The following PLEKHG3 variants were observed in gnomAD, a reference collection of about 807,000 sequenced individuals.
The protein encoded by PLEKHG3 is pleckstrin homology and RhoGEF domain containing G3.
In PLEKHG3, 62 loss-of-function variants were observed where a neutral mutation model predicts 94.9. The observed-to-expected ratio is 0.65, with a 90% CI of 0.53 to 0.81. The LOEUF is 0.81. PLEKHG3 is among the 30% of genes least tolerant of loss of function. PLEKHG3 has a pLI of 0.00. For missense variants in PLEKHG3, 1,461 were observed against 1,619.3 expected, an observed-to-expected ratio of 0.90 and a Z score of 1.68; for synonymous variants, 614 against 654.0, an observed-to-expected ratio of 0.94 and a Z score of 0.93.
At chr14:64,729,621 T>C (rs746514571) in intron 3 of PLEKHG3, among the ~76,000 whole-genome samples, 1 of 152,102 alleles carries the variant, frequency 6.6e-6, no homozygotes, top group Non-Finnish European at 1.5e-5. Flanking sequence ...GAAAGTGCAC[T>C]GCTCTGGAGG....
rs766667393 is a variant in PLEKHG3 at position 64,741,000 on chromosome 14, T to G, written c.1519-36T>G. 3.3e-6 allele frequency: 5 copies of G among 1,509,622 alleles called. No homozygotes were observed. In the African/African-American group the frequency reaches 7.0e-5, roughly 21 times the overall value. 93.5% of individuals were successfully genotyped at this position (1,509,622 alleles called of 1,614,324 possible). On this transcript the variant is annotated intron_variant, in intron 15 of 16. Coordinates refer to ENST00000247226, the MANE Select transcript of PLEKHG3 (RefSeq NM_001308147.2). ...GTTCCCCGGATCCCATGAAGGAGGC[T>G]TTTTACTCATGTGAGCCTTTTCTGC...
Position 64,730,279 on chromosome 14 carries a change from C to A in PLEKHG3, c.486C>A (p.Asp162Glu), listed in dbSNP as rs1460036827. Residue 162 changes from aspartate (D) to glutamate (E), a missense_variant, in exon 4 of 17, where the codon GAC (aspartate) becomes GAA (glutamate). Asp to Glu is a conservative substitution (Grantham distance 45, BLOSUM62 2). Transcript: ENST00000247226. This position sits in a 1 kb window ranked among gnomAD's most constrained non-coding sequence, Gnocchi z 5.4. ...LLRDLDSCNSDPVAVASCFVE... is the reference protein window; with the variant it reads ...LLRDLDSCNSEPVAVASCFVE... ...GAGACCTGGACAGCTGCAATAGTGA[C>A]CCCGTGGCTGTGGCCAGCTGCTTTG... The A allele has an allele frequency of 2.6e-6, 4 of 1,535,258 alleles. No individual in the cohort carries two copies. The Admixed American group carries it at 5.9e-5, about 23-fold the overall frequency.
At position 64,738,192 on chromosome 14, in the gene PLEKHG3, GC is replaced by G; in HGVS notation, c.1405-548del. The G allele has an allele frequency of 7.8e-7, 1 of 1,289,948 alleles. No individual in the cohort carries two copies. Among genetic ancestry groups the G allele is most frequent in the Non-Finnish European group, 1.0e-6 (1 of 989,478 alleles). The allele number at this position is 1,289,948 out of a possible 1,614,324, so 79.9% of individuals were successfully genotyped here. A position where few individuals can be genotyped will look rare whatever the true frequency, so the allele number is the denominator to read the frequency against. On this transcript the variant is annotated intron_variant, in intron 14 of 16. Transcript: ENST00000247226. This position sits in a 1 kb window ranked among gnomAD's most constrained non-coding sequence, Gnocchi z 4.8. ...CGCCCTCCACTGCTGGCACTATCGG[GC>G]CAACGCTTTACTTTTCTCCCGGGGC...
intron 1 of PLEKHG3, among the ~76,000 whole-genome samples, chr14:64,724,646 T>C (rs1450935053): frequency 6.6e-6 from 1 of 152,238 alleles, no homozygotes; most frequent in East Asian, 1.9e-4. Context: ...ACTCAGTCCT[T>C]CCGAGTGTCA....
At position 64,742,969 on chromosome 14, in the gene PLEKHG3, T is replaced by G; in HGVS notation, c.2939-13T>G. 1 of 1,613,150 alleles carries G rather than the reference T, an allele frequency of 6.2e-7. No homozygotes were observed. Among genetic ancestry groups the G allele is most frequent in the Non-Finnish European group, 8.5e-7 (1 of 1,179,852 alleles). The stretch of plus-strand genomic sequence containing the variant: ...CCGCCCCATGCTTCAGGCAGCTTGC[T>G]CTCTCCTCATAGGTAAGAGGAAGCC... On this transcript the variant is annotated splice_polypyrimidine_tract_variant and intron_variant, in intron 16 of 16. Transcript: ENST00000247226.
Position 64,747,386 on chromosome 14 carries a change from G to A in PLEKHG3, c.*3683G>A, listed in dbSNP as rs1461257087. ...GTGAGTGCAGTCACCTCACTGCCTT[G>A]GTTTCCCCAGATACAGAAAGAGGCT... is the stretch of plus-strand genomic sequence containing the variant. On this transcript the variant is annotated 3_prime_UTR_variant, in exon 17 of 17. Coordinates refer to ENST00000247226, the MANE Select transcript of PLEKHG3 (RefSeq NM_001308147.2). The A allele has an allele frequency of 6.5e-6, 1 of 152,672 alleles. No individual in the cohort carries two copies. Among genetic ancestry groups the A allele is most frequent in the African/African-American group, 2.4e-5 (1 of 41,462 alleles). The allele number at this position is 152,672 out of a possible 1,614,324, so 9.5% of individuals were successfully genotyped here. A position where few individuals can be genotyped will look rare whatever the true frequency, so the allele number is the denominator to read the frequency against.
chr14:64,749,950 C>T lies in PLEKHG3; in HGVS notation c.*6247C>T, dbSNP rs749651711. 1 of 1,614,152 alleles carries T rather than the reference C, an allele frequency of 6.2e-7. No homozygotes were observed. The highest frequency in any genetic ancestry group is 1.1e-5 in the South Asian group (1 of 91,086). On this transcript the variant is annotated 3_prime_UTR_variant, in exon 17 of 17. Coordinates refer to ENST00000247226, the MANE Select transcript of PLEKHG3 (RefSeq NM_001308147.2). The surrounding 1 kb of genome is among the most constrained non-coding windows in gnomAD (Gnocchi z 4.7). ...CACTAATGCCAAATCAAGCCATCAA[C>T]CCGAGCTTTCAAAGGCCAGGAAGGC...
At position 64,727,755 on chromosome 14, in the gene PLEKHG3, TC is replaced by T. The variant is rs1283628969; in HGVS notation, c.126del (p.Glu43ArgfsTer11). The T allele has an allele frequency of 6.2e-7, 1 of 1,611,584 alleles. No individual in the cohort carries two copies. Among genetic ancestry groups the T allele is most frequent in the Non-Finnish European group, 8.5e-7 (1 of 1,178,780 alleles). Reference protein sequence around the residue: ...SRSAMEEPSSSEAPAKNGAGS... With the variant: ...SRSAMEEPSSXEAPAKNGAGS... ...CAGTGCCATGGAGGAGCCCAGCAGC[TC>T]CGAGGCTCCCGCCAAGAATGGGGCA... On this transcript the variant is annotated frameshift_variant, in exon 2 of 17. Coordinates refer to ENST00000247226, the MANE Select transcript of PLEKHG3 (RefSeq NM_001308147.2). LOFTEE classifies it high-confidence loss of function. The surrounding 1 kb of genome is among the most constrained non-coding windows in gnomAD (Gnocchi z 6.0).
Position 64,704,449 on chromosome 14 carries a change from T to TGCCCTCCC in PLEKHG3, c.-292_-285dup, listed in dbSNP as rs1323181430. The TGCCCTCCC allele has an allele frequency of 2.9e-4, 36 of 125,530 alleles. No homozygotes were observed. The highest frequency in any genetic ancestry group is 9.0e-4 in the African/African-American group (29 of 32,220). 7.8% of individuals were successfully genotyped at this position (125,530 alleles called of 1,614,324 possible). A position where few individuals can be genotyped will look rare whatever the true frequency, so the allele number is the denominator to read the frequency against. Reference sequence around the variant, plus strand: ...GCTCCCTCGCTCCCTCGCTCCCTCCTGCCCTCCCGCTGCAGCTCCGGCTCC... The same window carrying TGCCCTCCC: ...GCTCCCTCGCTCCCTCGCTCCCTCCTGCCCTCCCGCCCTCCCGCTGCAGCTCCGGCTCC... On this transcript the variant is annotated 5_prime_UTR_variant, in exon 1 of 17. Coordinates refer to ENST00000247226, the MANE Select transcript of PLEKHG3 (RefSeq NM_001308147.2). This position sits in a 1 kb window ranked among gnomAD's most constrained non-coding sequence, Gnocchi z 5.6.
rs971542279 is a variant in PLEKHG3, at chr14:64,728,553, T to C, written c.352-443T>C. Among the ~76,000 whole-genome samples the C allele has an allele frequency of 2.6e-5, 4 of 152,216 alleles. No homozygotes were observed. Among genetic ancestry groups the C allele is most frequent in the Admixed American group, 6.5e-5 (1 of 15,284 alleles). ...GAGGCCAGAAGTCCAAAAATCAATGTGTTGGCTGGGTTGGCTCCCTTCAGA... is the reference window on the plus strand; with the variant it reads ...GAGGCCAGAAGTCCAAAAATCAATGCGTTGGCTGGGTTGGCTCCCTTCAGA... On this transcript the variant is annotated intron_variant, in intron 2 of 16. Transcript: ENST00000247226. The surrounding 1 kb of genome is among the most constrained non-coding windows in gnomAD (Gnocchi z 5.9).
chr14:64,706,882 G>T (rs546061701), intron 1 of PLEKHG3, among the ~76,000 whole-genome samples: 181 of 152,352 alleles, frequency 1.2e-3, no homozygotes, highest in Non-Finnish European at 1.8e-3. Flanking sequence ...TAAGCCAGGG[G>T]TGCTGCCACA....
chr14:64,732,853 T>C lies in PLEKHG3; in HGVS notation c.1297T>C (p.Ser433Pro). 6.2e-7 allele frequency: 1 copy of C among 1,611,254 alleles called. No homozygotes were observed. The highest frequency in any genetic ancestry group is 8.5e-7 in the Non-Finnish European group (1 of 1,179,150). ...SPERLKKAWSSQDEVSTNVRQ... is the reference protein window; with the variant it reads ...SPERLKKAWSPQDEVSTNVRQ... ...AGAGCGGCTGAAGAAGGCTTGGTCC[T>C]CCCAGGATGAGGTGTCCACCAATGT... The change falls in exon 12 of 17, where the codon TCC (serine) becomes CCC (proline). Residue 433 changes from serine to proline, a missense_variant. Physicochemically the swap from Ser to Pro is moderately conservative, Grantham distance 74 (BLOSUM62 -1). This residue lies in a region of PLEKHG3 where 1,201 missense variants were observed against 1,295.5 expected (regional missense o/e 0.93). Coordinates refer to ENST00000247226, the MANE Select transcript of PLEKHG3 (RefSeq NM_001308147.2). This position sits in a 1 kb window ranked among gnomAD's most constrained non-coding sequence, Gnocchi z 4.9.
In PLEKHG3 at chr14:64,750,231, T is replaced by TA. The variant is rs1353241331; in HGVS notation, c.*6536dup. 1.1e-4 allele frequency: 152 copies of TA among 1,429,856 alleles called. No homozygotes were observed. The highest frequency in any genetic ancestry group is 1.3e-4 in the Non-Finnish European group (132 of 1,054,210). 88.6% of individuals were successfully genotyped at this position (1,429,856 alleles called of 1,614,324 possible). Reference sequence around the variant, plus strand: ...GAGTCAATTCCTATAGCTTCACCATTAAAAAAAATTACACCATGTTTGTTC... The same window carrying TA: ...GAGTCAATTCCTATAGCTTCACCATTAAAAAAAAATTACACCATGTTTGTTC... On this transcript the variant is annotated 3_prime_UTR_variant, in exon 17 of 17. Transcript: ENST00000247226.
rs1212542736 is a variant in PLEKHG3 at position 64,726,475 on chromosome 14, G to A, written c.-39-1118G>A. On this transcript the variant is annotated intron_variant, in intron 1 of 16. Coordinates refer to ENST00000247226, the MANE Select transcript of PLEKHG3 (RefSeq NM_001308147.2). The surrounding 1 kb of genome is among the most constrained non-coding windows in gnomAD (Gnocchi z 5.1). The stretch of plus-strand genomic sequence containing the variant: ...GTGGCATTGGTGAGCTCTAAGGGGT[G>A]GGCATGGGTGTTGCATGGGTGTCCC... Among the ~76,000 whole-genome samples the A allele has an allele frequency of 2.0e-5, 3 of 152,160 alleles. No homozygotes were observed. Among genetic ancestry groups the A allele is most frequent in the African/African-American group, 7.2e-5 (3 of 41,434 alleles).
rs1272417755 is a variant in PLEKHG3, at chr14:64,745,663, C to T, written c.*1960C>T. ...GACCACAGAAGATTCAGGGCAGCTG[C>T]CAGACCAGGGGCTATCTCTGCCCTG... On this transcript the variant is annotated 3_prime_UTR_variant, in exon 17 of 17. Transcript: ENST00000247226. This position sits in a 1 kb window ranked among gnomAD's most constrained non-coding sequence, Gnocchi z 5.0. The T allele has an allele frequency of 6.6e-6, 1 of 152,248 alleles. No individual in the cohort carries two copies. The highest frequency in any genetic ancestry group is 2.4e-5 in the African/African-American group (1 of 41,468). The allele number at this position is 152,248 out of a possible 1,614,324, so 9.4% of individuals were successfully genotyped here.
At chr14:64,713,713 C>G (rs1200001638) in intron 1 of PLEKHG3, among the ~76,000 whole-genome samples, 2 of 151,984 alleles carry the variant, frequency 1.3e-5, no homozygotes, top group African/African-American at 4.8e-5. Context: ...ATCCTTAGTT[C>G]TAGAAAGTTC....
rs1555359403 is a variant in PLEKHG3, at chr14:64,716,466, A to ACACAAC, written c.-39-11127_-39-11126insCACAAC. On this transcript the variant is annotated intron_variant, in intron 1 of 16. Coordinates refer to ENST00000247226, the MANE Select transcript of PLEKHG3 (RefSeq NM_001308147.2). The surrounding 1 kb of genome is among the most constrained non-coding windows in gnomAD (Gnocchi z 5.0). ...CACACACACACACACACACACACACAACACACACACACACAACACACACAC... is the reference window on the plus strand; with the variant it reads ...CACACACACACACACACACACACACACACAACACACACACACACACAACACACACAC... Among the ~76,000 whole-genome samples the ACACAAC allele has an allele frequency of 2.1e-3, 180 of 86,486 alleles. 1 individual carries two copies. The highest frequency in any genetic ancestry group is 7.8e-3 in the African/African-American group (173 of 22,306). 56.7% of individuals were successfully genotyped at this position (86,486 alleles called of 152,430 possible). A position where few individuals can be genotyped will look rare whatever the true frequency, so the allele number is the denominator to read the frequency against.
chr14:64,727,709 G>A lies in PLEKHG3; in HGVS notation c.78G>A (p.Ser26=), dbSNP rs560083073. ...GCCTGACCTCTACCACCTCCTCGTCGGGCTCCTCCTGTGACAGTCGCAGTG... is the reference window on the plus strand; with the variant it reads ...GCCTGACCTCTACCACCTCCTCGTCAGGCTCCTCCTGTGACAGTCGCAGTG... ...PVSLTSTTSS[S]GSSCDSRSAM... Residue 26 remains serine (S), a synonymous_variant, in exon 2 of 17, where the codon TCG becomes TCA. Transcript: ENST00000247226. This position sits in a 1 kb window ranked among gnomAD's most constrained non-coding sequence, Gnocchi z 6.0. 22 of 1,612,190 alleles carry A rather than the reference G, an allele frequency of 1.4e-5. 1 individual carries two copies. Among genetic ancestry groups the A allele is most frequent in the South Asian group, 9.9e-5 (9 of 90,988 alleles).
In PLEKHG3 at chr14:64,738,987, G is replaced by C; in HGVS notation, c.1518+132G>C. 1 of 659,670 alleles carries C rather than the reference G, an allele frequency of 1.5e-6. No individual in the cohort carries two copies. The highest frequency in any genetic ancestry group is 2.8e-6 in the Non-Finnish European group (1 of 362,716). 40.9% of individuals were successfully genotyped at this position (659,670 alleles called of 1,614,324 possible). A position where few individuals can be genotyped will look rare whatever the true frequency, so the allele number is the denominator to read the frequency against. On this transcript the variant is annotated intron_variant, in intron 15 of 16. Coordinates refer to ENST00000247226, the MANE Select transcript of PLEKHG3 (RefSeq NM_001308147.2). The surrounding 1 kb of genome is among the most constrained non-coding windows in gnomAD (Gnocchi z 4.8). Reference sequence around the variant, plus strand: ...GGAACAGAGATTCCCCACCTCCCAGGACTCTCAGCCCTGCATGAAGCCTGT... The same window carrying C: ...GGAACAGAGATTCCCCACCTCCCAGCACTCTCAGCCCTGCATGAAGCCTGT...
Sources: allele counts gnomAD v4.1 joint callset (sites outside exome capture counted in the v4.1 genomes callset), GRCh38; gene constraint gnomAD v4.1.1; regional missense constraint gnomAD v4.1.1; non-coding constraint Gnocchi (gnomAD v3.1); transcripts MANE v1.5; gene names NCBI Gene and HGNC (gene_info 2026-07-23, HGNC 2026-07-21).